The following DPYSL2 variants were observed in gnomAD, a reference collection of about 807,000 sequenced individuals.
DPYSL2 encodes the protein dihydropyrimidinase like 2.
DPYSL2 carries 13 observed loss-of-function variants against 69.9 expected under a neutral mutation model. The observed-to-expected ratio is 0.19, with a 90% confidence interval of 0.12 to 0.30. The LOEUF (loss-of-function observed/expected upper bound fraction) is 0.30. DPYSL2 is among the 10% of genes least tolerant of loss of function. The probability of loss-of-function intolerance (pLI) is 1.00; values close to 1 mark genes in which losing one functional copy is unlikely to be tolerated. For missense variants in DPYSL2, 587 were observed against 918.9 expected (o/e 0.64, Z 4.67); for synonymous variants, 326 against 359.1 (o/e 0.91, Z 1.04).
At position 26,644,117 on chromosome 8, in the gene DPYSL2, G is replaced by T. The variant is rs1454282757; in HGVS notation, c.1425+26G>T. ...GTAAGGAGCGATGGCCTCACTCCTT[G>T]GTGGCTCTCAGCCTTCCTTGTCCTC... On this transcript the variant is annotated intron_variant, in intron 10 of 13. Coordinates refer to ENST00000521913, the MANE Select transcript of DPYSL2 (RefSeq NM_001197293.3). This position sits in a 1 kb window ranked among gnomAD's most constrained non-coding sequence, Gnocchi z 4.5. The T allele has an allele frequency of 6.2e-7, 1 of 1,611,204 alleles. No individual in the cohort carries two copies. The highest frequency in any genetic ancestry group is 1.7e-5 in the Admixed American group (1 of 59,892).
At chr8:26,595,592 C>T (rs1585533480) in intron 3 of DPYSL2, among the ~76,000 whole-genome samples, 1 of 152,214 alleles carries the variant, frequency 6.6e-6, no homozygotes. Flanking sequence ...AGACCTCTGC[C>T]CTCTTCCCCG....
Position 26,627,935 on chromosome 8 carries a change from G to A in DPYSL2, c.1000G>A (p.Glu334Lys). 1 of 1,613,716 alleles carries A rather than the reference G, an allele frequency of 6.2e-7. No individual in the cohort carries two copies. The highest frequency in any genetic ancestry group is 1.1e-5 in the South Asian group (1 of 90,964). Residue 334 changes from glutamate to lysine, a missense_variant, in exon 7 of 14, where the codon GAG (glutamate) becomes AAG (lysine). By Grantham distance (56) the Glu-to-Lys change is moderately conservative. Around this residue, in one of 3 missense-constraint regions of DPYSL2, gnomAD observed 452 missense variants for 754.3 expected, o/e 0.60. Transcript: ENST00000521913. The surrounding 1 kb of genome is among the most constrained non-coding windows in gnomAD (Gnocchi z 6.9). ...CGAGGGACATGTGCTGAGCCGACCT[G>A]AGGAGGTGAATGTTCACCAAGCGGA... is the stretch of plus-strand genomic sequence containing the variant. The part of the protein sequence containing the change: ...GPEGHVLSRP[E>K]EVEAEAVNRA...
rs2129805880 is a variant in DPYSL2 at position 26,598,932 on chromosome 8, G to T, written c.628+14949G>T. Among the ~76,000 whole-genome samples, 1 of 152,360 alleles carries T rather than the reference G, an allele frequency of 6.6e-6. No individual in the cohort carries two copies. Among genetic ancestry groups the T allele is most frequent in the Admixed American group, 6.5e-5 (1 of 15,308 alleles). ...TGTGCGTATTCTTAGCTGCGCAAGT[G>T]TCGTGCATGTGCGTTTGGCTCACAC... On this transcript the variant is annotated intron_variant, in intron 3 of 13. Transcript: ENST00000521913. This position sits in a 1 kb window ranked among gnomAD's most constrained non-coding sequence, Gnocchi z 4.2.
chr8:26,639,888 C>G (rs546011877), intron 8 of DPYSL2, among the ~76,000 whole-genome samples: 33 of 152,324 alleles, frequency 2.2e-4, no homozygotes, highest in South Asian at 1.7e-3. Context: ...AACCTCAGAA[C>G]CCATTCAGAA....
chr8:26,589,183 T>C (rs968959504), intron 3 of DPYSL2, among the ~76,000 whole-genome samples: 1 of 152,222 alleles, frequency 6.6e-6, no homozygotes, highest in African/African-American at 2.4e-5. Context: ...CAGCCAGGGA[T>C]GCCCTCCCTT....
chr8:26,634,865 G>T lies in DPYSL2; in HGVS notation c.1091G>T (p.Ser364Ile), dbSNP rs1192454097. The T allele has an allele frequency of 1.9e-6, 3 of 1,614,144 alleles. No homozygotes were observed. Reference protein sequence around the residue: ...PLYITKVMSKSSAEVIAQARK... With the variant: ...PLYITKVMSKISAEVIAQARK... ...TATATCACCAAGGTGATGAGCAAAA[G>T]CTCTGCTGAGGTCATCGCCCAGGCA... is the stretch of plus-strand genomic sequence containing the variant. The change falls in exon 8 of 14, where the codon AGC (serine) becomes ATC (isoleucine). Residue 364 changes from serine (S) to isoleucine (I), a missense_variant. Ser to Ile is a moderately radical substitution (Grantham distance 142). Coordinates refer to ENST00000521913, the MANE Select transcript of DPYSL2 (RefSeq NM_001197293.3).
At chr8:26,615,060 G>A (rs891819923) in intron 3 of DPYSL2, among the ~76,000 whole-genome samples, 5 of 152,240 alleles carry the variant, frequency 3.3e-5, no homozygotes, top group Non-Finnish European at 7.3e-5. Flanking sequence ...TTACCTGCCA[G>A]AGGCACGGGA....
At position 26,643,527 on chromosome 8, in the gene DPYSL2, C is replaced by T. The variant is rs764265785; in HGVS notation, c.1215C>T (p.Ala405=). The change falls in exon 9 of 14, where the codon GCC becomes GCT. Residue 405 remains alanine, a synonymous_variant. Coordinates refer to ENST00000521913, the MANE Select transcript of DPYSL2 (RefSeq NM_001197293.3). This position sits in a 1 kb window ranked among gnomAD's most constrained non-coding sequence, Gnocchi z 6.5. ...GCAAGAACTGGGCCAAGGCTGCTGC[C>T]TTTGTCACCTCCCCACCCTTGAGCC... is the stretch of plus-strand genomic sequence containing the variant. ...YWSKNWAKAA[A]FVTSPPLSPD... The T allele has an allele frequency of 1.2e-6, 2 of 1,614,000 alleles. No individual in the cohort carries two copies. Among genetic ancestry groups the T allele is most frequent in the South Asian group, 2.2e-5 (2 of 91,036 alleles).
intron 11 of DPYSL2, among the ~76,000 whole-genome samples, chr8:26,651,746 A>G (rs923814273): frequency 2.0e-5 from 3 of 152,216 alleles, no homozygotes; most frequent in African/African-American, 7.2e-5. Context: ...CAATCATTTT[A>G]TCGGAGGCAT....
intron 1 of DPYSL2, among the ~76,000 whole-genome samples, chr8:26,520,649 T>C (rs1808370506): frequency 6.6e-6 from 1 of 152,232 alleles, no homozygotes; most frequent in African/African-American, 2.4e-5. Flanking sequence ...GACATGCTTT[T>C]CTAAGATTAG....
chr8:26,576,018 TGCCGACATCATCTC>T (rs1801321654), intron 1 of DPYSL2, among the ~76,000 whole-genome samples: 1 of 152,210 alleles, frequency 6.6e-6, no homozygotes. Context: ...CAGCAATACT[TGCCGACATCATCTC>T]ACCTTGCTTG....
chr8:26,600,379 C>G (rs1368616017), intron 3 of DPYSL2, among the ~76,000 whole-genome samples: 1 of 151,934 alleles, frequency 6.6e-6, no homozygotes, highest in Non-Finnish European at 1.5e-5. Context: ...CAGACTGTTT[C>G]CCAAAGTGGT....
chr8:26,515,165 G>T (rs971615484), intron 1 of DPYSL2, among the ~76,000 whole-genome samples: 1 of 152,162 alleles, frequency 6.6e-6, no homozygotes. Flanking sequence ...GCCTCCGCCC[G>T]CGCCTTCTGC....
intron 8 of DPYSL2, chr8:26,637,816 A>G (rs1055097598): frequency 6.6e-6 from 1 of 152,252 alleles, no homozygotes; most frequent in African/African-American, 2.4e-5. Context: ...GATAGTAACC[A>G]TGACTCATCT....
chr8:26,587,553 C>T lies in DPYSL2; in HGVS notation c.628+3570C>T, dbSNP rs372101335. Among the ~76,000 whole-genome samples the T allele has an allele frequency of 1.3e-5, 2 of 152,310 alleles. No homozygotes were observed. Among genetic ancestry groups the T allele is most frequent in the African/African-American group, 4.8e-5 (2 of 41,558 alleles). ...AGAGGAAAACACAGCCAAATATTCT[C>T]GGTTTAAAAAAGGAGATGGCATGTC... On this transcript the variant is annotated intron_variant, in intron 3 of 13. Coordinates refer to ENST00000521913, the MANE Select transcript of DPYSL2 (RefSeq NM_001197293.3). This position sits in a 1 kb window ranked among gnomAD's most constrained non-coding sequence, Gnocchi z 4.2.
rs925182484 is a variant in DPYSL2, at chr8:26,562,161, C to T, written c.355-19808C>T. ...AAGAGTGGATAAGAGGAAGGACACA[C>T]ACTGGTCAGACTGCAGGGCTTGATT... On this transcript the variant is annotated intron_variant, in intron 1 of 13. Transcript: ENST00000521913. This position sits in a 1 kb window ranked among gnomAD's most constrained non-coding sequence, Gnocchi z 4.9. 4.6e-5 allele frequency among the ~76,000 whole-genome samples: 7 copies of T among 152,196 alleles called. No individual in the cohort carries two copies. Among genetic ancestry groups the T allele is most frequent in the African/African-American group, 1.7e-4 (7 of 41,436 alleles).
At chr8:26,544,095 C>T (rs1899495) in intron 1 of DPYSL2, among the ~76,000 whole-genome samples, 133,142 of 152,230 alleles carry the variant, frequency 0.87, 58,633 homozygotes, top group East Asian at 0.99. Flanking sequence ...TAACACAAAA[C>T]AGACTCAATG....
intron 1 of DPYSL2, among the ~76,000 whole-genome samples, chr8:26,573,525 T>C (rs11135949): frequency 0.64 from 96,742 of 151,444 alleles, 31,899 homozygotes; most frequent in East Asian, 0.93. Flanking sequence ...AAAAATTAGC[T>C]GGGCGTGGTG....
chr8:26,553,922 G>A (rs1247910187), intron 1 of DPYSL2, among the ~76,000 whole-genome samples: 8 of 111,052 alleles, frequency 7.2e-5, no homozygotes, highest in African/African-American at 2.4e-4. Flanking sequence ...TTTTTGAGAC[G>A]GAGTCTCACT....
Sources: gnomAD v4.1 joint callset for allele counts (sites outside exome capture counted in the v4.1 genomes callset) on GRCh38, gnomAD v4.1.1 for gene constraint, gnomAD v4.1.1 regional missense constraint, Gnocchi (gnomAD v3.1) non-coding constraint, MANE v1.5 for transcripts, NCBI Gene and HGNC (gene_info 2026-07-23, HGNC 2026-07-21) for gene names.